Variants in SCAMP1 observed in about 807,000 individuals in gnomAD.
The protein encoded by SCAMP1 is secretory carrier-associated membrane protein 1.
In SCAMP1, 15 loss-of-function variants were observed where a neutral mutation model predicts 41.8. That is an observed-to-expected ratio of 0.36 (90% CI 0.24 to 0.55). The LOEUF (loss-of-function observed/expected upper bound fraction) is 0.55. SCAMP1 is among the 20% of genes least tolerant of loss of function. SCAMP1 has a pLI of 0.86. For missense variants in SCAMP1, 341 were observed against 412.6 expected (o/e 0.83, Z 1.50); for synonymous variants, 135 against 136.8 (o/e 0.99, Z 0.09).
At chr5:78,430,469 G>T (rs1411556664) in intron 6 of SCAMP1, among the ~76,000 whole-genome samples, 1 of 151,144 alleles carries the variant, frequency 6.6e-6, no homozygotes, top group African/African-American at 2.4e-5. Flanking sequence ...AAAAACTATG[G>T]TTCATCCTTT....
At chr5:78,461,995 G>A (rs975596638) in intron 8 of SCAMP1, among the ~76,000 whole-genome samples, 5 of 152,156 alleles carry the variant, frequency 3.3e-5, no homozygotes, top group Non-Finnish European at 5.9e-5. Context: ...AATGATGTTG[G>A]TAATTTGATA....
chr5:78,461,115 G>A (rs900472914), intron 8 of SCAMP1, among the ~76,000 whole-genome samples: 1 of 152,070 alleles, frequency 6.6e-6, no homozygotes, highest in African/African-American at 2.4e-5. Flanking sequence ...ACAAAGTACT[G>A]GGATTACAGG....
rs1242750428 is a variant in SCAMP1 at position 78,457,070 on chromosome 5, C to G, written c.735-2175C>G. On this transcript the variant is annotated intron_variant, in intron 7 of 8. Coordinates refer to ENST00000621999, the MANE Select transcript of SCAMP1 (RefSeq NM_004866.6). ...TAAGCACTTCTCTGTATTGGTTATT[C>G]TAGTTATGCATTCTTCTAAATTTTT... 2.2e-3 allele frequency among the ~76,000 whole-genome samples: 265 copies of G among 118,820 alleles called. 1 individual carries two copies. Among genetic ancestry groups the G allele is most frequent in the Admixed American group, 4.0e-3 (51 of 12,632 alleles). The allele number at this position is 118,820 out of a possible 152,430, so 78.0% of individuals were successfully genotyped here. A position where few individuals can be genotyped will look rare whatever the true frequency, so the allele number is the denominator to read the frequency against.
chr5:78,390,279 G>A (rs1003358877), intron 2 of SCAMP1, among the ~76,000 whole-genome samples: 1 of 152,194 alleles, frequency 6.6e-6, no homozygotes, highest in Admixed American at 6.5e-5. Flanking sequence ...AAATAAGAAT[G>A]AACTTTTAAA....
At chr5:78,407,617 C>T (rs749807164) in intron 2 of SCAMP1, among the ~76,000 whole-genome samples, 1 of 95,718 alleles carries the variant, frequency 1.0e-5, no homozygotes, top group African/African-American at 4.0e-5. Context: ...CATTGACTCT[C>T]CCTTATCCTG....
intron 2 of SCAMP1, among the ~76,000 whole-genome samples, chr5:78,413,643 C>T (rs903627967): frequency 1.3e-5 from 2 of 152,144 alleles, no homozygotes; most frequent in African/African-American, 2.4e-5. Flanking sequence ...GTCTCGAACT[C>T]CTGAGCTCAG....
chr5:78,423,445 G>T (rs1752390028), intron 6 of SCAMP1, among the ~76,000 whole-genome samples: 1 of 151,604 alleles, frequency 6.6e-6, no homozygotes. Context: ...GTTTTGTTTT[G>T]TTTTTTTTGG....
At chr5:78,457,369 G>T (rs1233275030) in intron 7 of SCAMP1, among the ~76,000 whole-genome samples, 2 of 151,984 alleles carry the variant, frequency 1.3e-5, no homozygotes, top group Admixed American at 6.6e-5. Context: ...TTTTGGTGTG[G>T]ATGTCCTTTC....
chr5:78,435,376 C>T (rs550147963), intron 6 of SCAMP1, among the ~76,000 whole-genome samples: 87 of 152,272 alleles, frequency 5.7e-4, no homozygotes, highest in Middle Eastern at 6.8e-3. Flanking sequence ...CTAATGCTAT[C>T]CCTCCTCCAG....
intron 1 of SCAMP1, among the ~76,000 whole-genome samples, chr5:78,361,998 CTCAG>C (rs1210451653): frequency 6.6e-6 from 1 of 152,154 alleles, no homozygotes; most frequent in African/African-American, 2.4e-5. Flanking sequence ...TAGAATTAGA[CTCAG>C]TCACTGTTTC....
At chr5:78,433,456 G>A (rs1045650739) in intron 6 of SCAMP1, among the ~76,000 whole-genome samples, 2 of 152,134 alleles carry the variant, frequency 1.3e-5, no homozygotes, top group African/African-American at 2.4e-5. Context: ...GTTGTGCTAG[G>A]CTTTTAGTGT....
chr5:78,465,859 G>C lies in SCAMP1; in HGVS notation c.852+6497G>C, dbSNP rs75907289. On this transcript the variant is annotated intron_variant, in intron 8 of 8. Transcript: ENST00000621999. The stretch of plus-strand genomic sequence containing the variant: ...AAGTGGGATTTCTTCTTCCTCAGAG[G>C]AACTCCAGTTGTGTTCTTAAGGCCT... Among the ~76,000 whole-genome samples the C allele has an allele frequency of 8.4e-3, 1,282 of 152,290 alleles. 20 individuals are homozygous for C. Among genetic ancestry groups the C allele is most frequent in the African/African-American group, 0.029 (1,198 of 41,564 alleles).
chr5:78,418,328 C>T (rs1217035664), intron 4 of SCAMP1, among the ~76,000 whole-genome samples: 1 of 152,086 alleles, frequency 6.6e-6, no homozygotes, highest in East Asian at 1.9e-4. Context: ...TCTTTCTCCA[C>T]TTGAGATAGG....
chr5:78,365,910 G>A (rs1397856106), intron 1 of SCAMP1, among the ~76,000 whole-genome samples: 1 of 152,164 alleles, frequency 6.6e-6, no homozygotes, highest in Non-Finnish European at 1.5e-5. Context: ...TAATTCAAGT[G>A]TGTTATTCAT....
chr5:78,476,591 G>A lies in SCAMP1; in HGVS notation c.*923G>A, dbSNP rs1303915144. ...TGTCTGGCAGCTCTTTTTTGGGGAT[G>A]TGTGTGTGTGATTTTTAACAGAGGT... On this transcript the variant is annotated 3_prime_UTR_variant, in exon 9 of 9. Coordinates refer to ENST00000621999, the MANE Select transcript of SCAMP1 (RefSeq NM_004866.6). 2.8e-4 allele frequency: 43 copies of A among 152,358 alleles called. No homozygotes were observed. Among genetic ancestry groups the A allele is most frequent in the Admixed American group, 2.7e-3 (41 of 15,248 alleles). The allele number at this position is 152,358 out of a possible 1,614,324, so 9.4% of individuals were successfully genotyped here. A position where few individuals can be genotyped will look rare whatever the true frequency, so the allele number is the denominator to read the frequency against.
At chr5:78,402,332 A>C (rs1027710558) in intron 2 of SCAMP1, among the ~76,000 whole-genome samples, 2 of 152,096 alleles carry the variant, frequency 1.3e-5, no homozygotes, top group Admixed American at 6.6e-5. Flanking sequence ...AATTATATCC[A>C]ATCAACGGAT....
intron 8 of SCAMP1, among the ~76,000 whole-genome samples, chr5:78,465,406 C>T (rs1489712588): frequency 2.6e-5 from 4 of 152,164 alleles, no homozygotes; most frequent in Admixed American, 1.3e-4. Context: ...CAACTGTACT[C>T]CAAGCTGCGT....
chr5:78,455,248 C>T (rs1470754787), intron 7 of SCAMP1, among the ~76,000 whole-genome samples: 2 of 149,752 alleles, frequency 1.3e-5, no homozygotes, highest in African/African-American at 2.5e-5. Flanking sequence ...TTTGCCCTTG[C>T]TTTTCTAGTT....
intron 8 of SCAMP1, among the ~76,000 whole-genome samples, chr5:78,464,155 C>CT (rs991174656): frequency 5.2e-5 from 7 of 135,404 alleles, no homozygotes; most frequent in East Asian, 2.2e-4. Flanking sequence ...TTTTTTTTTT[C>CT]TTTTTTTGAG....
Sources: gnomAD v4.1 joint callset for allele counts (sites outside exome capture counted in the v4.1 genomes callset) on GRCh38, gnomAD v4.1.1 for gene constraint, MANE v1.5 for transcripts, NCBI Gene and HGNC (gene_info 2026-07-23, HGNC 2026-07-21) for gene names.